The following CSMD1 variants were observed in gnomAD, a reference collection of about 807,000 sequenced individuals.
CSMD1 encodes the protein CUB and Sushi multiple domains 1.
Under a neutral mutation model 417.5 loss-of-function variants are expected in CSMD1, and 213 were observed. That is an observed-to-expected ratio of 0.51 (90% CI 0.46 to 0.57). CSMD1 has a LOEUF of 0.57. Ranked by LOEUF, CSMD1 falls within the 20% of genes least tolerant of loss-of-function variation. The pLI, the probability that CSMD1 is intolerant of heterozygous loss-of-function variation, is 0.00. For synonymous variants in CSMD1, 2,862 were observed against 1,736.8 expected, an observed-to-expected ratio of 1.65 and a Z score of -16.11; for missense variants, 6,923 against 4,529.7, an observed-to-expected ratio of 1.53 and a Z score of -15.17.
chr8:3,000,631 A>G (rs927884246), intron 52 of CSMD1, among the ~76,000 whole-genome samples: 2 of 152,228 alleles, frequency 1.3e-5, no homozygotes, highest in Non-Finnish European at 1.5e-5. Context: ...AATTTCAATT[A>G]TGAAAATCTG....
chr8:3,725,819 C>G (rs1423467829), intron 6 of CSMD1, among the ~76,000 whole-genome samples: 1 of 152,144 alleles, frequency 6.6e-6, no homozygotes, highest in Non-Finnish European at 1.5e-5. Flanking sequence ...GACTGTGACT[C>G]AGTATCTCAA....
At chr8:3,776,511 C>G (rs918423712) in intron 5 of CSMD1, among the ~76,000 whole-genome samples, 4 of 152,186 alleles carry the variant, frequency 2.6e-5, no homozygotes, top group African/African-American at 9.6e-5. Context: ...CTTAAACACC[C>G]TGGGGCCTTG....
At chr8:3,075,290 T>C (rs189010215) in intron 49 of CSMD1, among the ~76,000 whole-genome samples, 2,351 of 150,744 alleles carry the variant, frequency 0.016, 80 homozygotes, top group African/African-American at 0.054. Context: ...CTTTTTTTTT[T>C]TTTTTAGATG....
rs188920542 is a variant in CSMD1, at chr8:3,302,311, C to T, written c.3950+5384G>A. 3.9e-4 allele frequency among the ~76,000 whole-genome samples: 59 copies of T among 152,094 alleles called. No homozygotes were observed. In the East Asian group the frequency reaches 8.3e-3, roughly 21 times the overall value. The stretch of plus-strand genomic sequence containing the variant: ...TTAATGTTTTTTTCTGGAGTCACTT[C>T]TTCTGGAATATCTCCATCGTTCTCA... On this transcript the variant is annotated intron_variant, in intron 25 of 69. Coordinates refer to ENST00000635120, the MANE Select transcript of CSMD1 (RefSeq NM_033225.6).
At chr8:3,569,163 G>C (rs574613001) in intron 10 of CSMD1, among the ~76,000 whole-genome samples, 1 of 152,100 alleles carries the variant, frequency 6.6e-6, no homozygotes, top group Non-Finnish European at 1.5e-5. Flanking sequence ...GAATCTTCTT[G>C]AGAGGCCTTT....
chr8:4,100,354 C>A (rs1801242674), intron 3 of CSMD1, among the ~76,000 whole-genome samples: 1 of 152,176 alleles, frequency 6.6e-6, no homozygotes, highest in Non-Finnish European at 1.5e-5. Context: ...TAGATTCTGG[C>A]AGCATTCCTC....
intron 2 of CSMD1, among the ~76,000 whole-genome samples, chr8:4,608,888 A>G (rs890323408): frequency 6.6e-6 from 1 of 152,218 alleles, no homozygotes; most frequent in African/African-American, 2.4e-5. Flanking sequence ...TTGTTCTTTT[A>G]AAATTAACAT....
intron 3 of CSMD1, among the ~76,000 whole-genome samples, chr8:4,365,698 C>G (rs567135106): frequency 6.6e-6 from 1 of 152,168 alleles, no homozygotes; most frequent in African/African-American, 2.4e-5. Context: ...TCTGATCCAG[C>G]CTGAGACTTT....
intron 1 of CSMD1, among the ~76,000 whole-genome samples, chr8:4,712,391 C>T (rs1469334169): frequency 6.6e-6 from 1 of 152,298 alleles, no homozygotes; most frequent in East Asian, 1.9e-4. Flanking sequence ...GTCTAATAAT[C>T]TGTAGGTCAA....
intron 50 of CSMD1, among the ~76,000 whole-genome samples, chr8:3,049,132 G>A (rs144323173): frequency 9.9e-5 from 15 of 152,220 alleles, no homozygotes; most frequent in Middle Eastern, 3.4e-3. Flanking sequence ...CATTGCTGGT[G>A]GGAATGCAAA....
intron 1 of CSMD1, among the ~76,000 whole-genome samples, chr8:4,946,110 G>T (rs73513860): frequency 0.022 from 3,279 of 152,174 alleles, 91 homozygotes; most frequent in African/African-American, 0.064. Context: ...TCTCTACGTG[G>T]CTCTGAGTCC....
intron 3 of CSMD1, among the ~76,000 whole-genome samples, chr8:4,294,258 G>C (rs1440373962): frequency 6.6e-6 from 1 of 152,142 alleles, no homozygotes; most frequent in Non-Finnish European, 1.5e-5. Context: ...TAGATCGTGT[G>C]ACAAACAATC....
intron 3 of CSMD1, among the ~76,000 whole-genome samples, chr8:4,146,556 A>T (rs984437603): frequency 2.1e-5 from 3 of 141,554 alleles, no homozygotes; most frequent in Admixed American, 1.5e-4. Context: ...CAGGGAAGGA[A>T]GCTCCATTAT....
intron 26 of CSMD1, among the ~76,000 whole-genome samples, chr8:3,282,174 A>G (rs1251682311): frequency 1.3e-5 from 2 of 152,190 alleles, no homozygotes; most frequent in East Asian, 3.9e-4. Flanking sequence ...CATGGAATGC[A>G]TAACACCAAA....
At chr8:4,069,250 G>T (rs1238546011) in intron 3 of CSMD1, among the ~76,000 whole-genome samples, 15 of 152,136 alleles carry the variant, frequency 9.9e-5, no homozygotes, top group Admixed American at 7.9e-4. Flanking sequence ...AAAAATTTTG[G>T]TAAAGATTAC....
intron 5 of CSMD1, among the ~76,000 whole-genome samples, chr8:3,964,092 C>A (rs953740690): frequency 6.6e-6 from 1 of 152,060 alleles, no homozygotes; most frequent in Non-Finnish European, 1.5e-5. Flanking sequence ...TTTTTGTCAA[C>A]AGTAAAAAGA....
chr8:4,911,258 C>G (rs1016124080), intron 1 of CSMD1, among the ~76,000 whole-genome samples: 1 of 152,214 alleles, frequency 6.6e-6, no homozygotes, highest in East Asian at 1.9e-4. Context: ...CCTTTGTCCA[C>G]CAGTCGTAAT....
intron 37 of CSMD1, 80 bp from the exon 38 acceptor site, chr8:3,162,357 T>C: frequency 2.2e-6 from 2 of 889,038 alleles, no homozygotes; most frequent in Non-Finnish European, 3.6e-6. Flanking sequence ...AGTTTATTTC[T>C]ATTGCTCTCC....
At chr8:3,716,145 T>C (rs1238553930) in intron 6 of CSMD1, among the ~76,000 whole-genome samples, 1 of 152,216 alleles carries the variant, frequency 6.6e-6, no homozygotes, top group African/African-American at 2.4e-5. Flanking sequence ...GGGTTCCTTC[T>C]AATTCACTGG....
Sources: allele counts gnomAD v4.1 joint callset (sites outside exome capture counted in the v4.1 genomes callset), GRCh38; gene constraint gnomAD v4.1.1; transcripts MANE v1.5; gene names NCBI Gene and HGNC (gene_info 2026-07-23, HGNC 2026-07-21).